CNOT11: variants seen among roughly 807,000 people sequenced by gnomAD.
CNOT11 encodes the protein UPF0760 protein C2orf29.
In CNOT11, 18 loss-of-function variants were observed where a neutral mutation model predicts 44.6. That is an observed-to-expected ratio of 0.40 (90% CI 0.28 to 0.60). The LOEUF (loss-of-function observed/expected upper bound fraction) is 0.60. CNOT11 is among the 20% of genes least tolerant of loss of function. CNOT11 has a pLI of 0.38. For synonymous variants in CNOT11, 291 were observed against 270.9 expected (o/e 1.07, Z -0.73); for missense variants, 513 against 677.0 (o/e 0.76, Z 2.69).
intron 1 of CNOT11, among the ~76,000 whole-genome samples, chr2:101,256,836 C>T (rs1297622464): frequency 1.3e-5 from 2 of 151,664 alleles, no homozygotes; most frequent in Non-Finnish European, 1.5e-5. Flanking sequence ...ATCTCGAGGT[C>T]AGGAGATCAA....
chr2:101,258,813 CA>C (rs34756086), intron 2 of CNOT11, among the ~76,000 whole-genome samples: 45,005 of 99,602 alleles, frequency 0.45, 7,088 homozygotes, highest in South Asian at 0.53. Flanking sequence ...GAGTCTGTCT[CA>C]AAAAAAAAAA....
chr2:101,267,759 T>TGTGCAGGGTGGCCAGAG (rs1682020647), intron 5 of CNOT11, among the ~76,000 whole-genome samples: 1 of 152,222 alleles, frequency 6.6e-6, no homozygotes, highest in East Asian at 1.9e-4. Context: ...AAGTTGTTTA[T>TGTGCAGGGTGGCCAGAG]GTGCAGGGTG....
chr2:101,256,024 A>G (rs1681729352), intron 1 of CNOT11, among the ~76,000 whole-genome samples: 1 of 152,058 alleles, frequency 6.6e-6, no homozygotes, highest in Non-Finnish European at 1.5e-5. Context: ...CTGTAATCCC[A>G]GCTACTCAGG....
chr2:101,269,266 CA>C lies in CNOT11; in HGVS notation c.1390del (p.Ile464LeufsTer9). The C allele has an allele frequency of 6.2e-7, 1 of 1,613,586 alleles. No individual in the cohort carries two copies. The highest frequency in any genetic ancestry group is 8.5e-7 in the Non-Finnish European group (1 of 1,179,930). On this transcript the variant is annotated frameshift_variant, in exon 7 of 7. Coordinates refer to ENST00000289382, the MANE Select transcript of CNOT11 (RefSeq NM_017546.5). LOFTEE classifies it high-confidence loss of function. This position sits in a 1 kb window ranked among gnomAD's most constrained non-coding sequence, Gnocchi z 4.8. Reference protein sequence around the residue: ...CVFLQSLIRNKIINVQDLFIE... With the variant: ...CVFLQSLIRNXIINVQDLFIE... ...TGTTTCTCCAATCCTTGATCCGTAA[CA>C]AAATTATTAATGTACAGGATTTGTT... is the stretch of plus-strand genomic sequence containing the variant.
chr2:101,260,984 A>G (rs1232279290), intron 2 of CNOT11, among the ~76,000 whole-genome samples: 2 of 152,194 alleles, frequency 1.3e-5, no homozygotes, highest in East Asian at 3.8e-4. Flanking sequence ...GCATCTTTTC[A>G]TATGTCTCTG....
Position 101,265,009 on chromosome 2 carries a change from G to A in CNOT11, c.997G>A (p.Ala333Thr). The stretch of plus-strand genomic sequence containing the variant: ...GGAGATCAAACGAATAATGGCCAAA[G>A]CCTTCAAAAGCCCCTTATCCTCTCC... ...GVEIKRIMAK[A>T]FKSPLSSPQQ... The change falls in exon 4 of 7, where the codon GCC becomes ACC. Residue 333 changes from alanine (A) to threonine (T), a missense_variant. This residue lies in a region of CNOT11 where 140 missense variants were observed against 169.8 expected (regional missense o/e 0.82). Transcript: ENST00000289382. 1 of 1,614,030 alleles carries A rather than the reference G, an allele frequency of 6.2e-7. No individual in the cohort carries two copies. The highest frequency in any genetic ancestry group is 8.5e-7 in the Non-Finnish European group (1 of 1,179,926).
At chr2:101,256,831 G>A (rs1187745435) in intron 1 of CNOT11, among the ~76,000 whole-genome samples, 9 of 151,384 alleles carry the variant, frequency 5.9e-5, no homozygotes, top group African/African-American at 2.2e-4. Context: ...GGTGGATCTC[G>A]AGGTCAGGAG....
At position 101,263,261 on chromosome 2, in the gene CNOT11, T is replaced by C. The variant is rs558630590; in HGVS notation, c.832+570T>C. 3.3e-5 allele frequency among the ~76,000 whole-genome samples: 5 copies of C among 152,324 alleles called. No homozygotes were observed. In the South Asian group the frequency reaches 1.0e-3, roughly 32 times the overall value. On this transcript the variant is annotated intron_variant, in intron 3 of 6. Transcript: ENST00000289382. Reference sequence around the variant, plus strand: ...TTCTCATTTTACTGAAATGAGTCTTTTTGTAGCAGCTCATTATCTTTTTGT... The same window carrying C: ...TTCTCATTTTACTGAAATGAGTCTTCTTGTAGCAGCTCATTATCTTTTTGT...
intron 2 of CNOT11, 34 bp downstream of exon 2, chr2:101,257,989 G>A: frequency 6.3e-7 from 1 of 1,587,490 alleles, no homozygotes; most frequent in Non-Finnish European, 8.6e-7. Context: ...GCATTTCTGT[G>A]TGGTAATATT....
intron 5 of CNOT11, among the ~76,000 whole-genome samples, chr2:101,267,892 GAGT>G (rs1414483890): frequency 1.3e-5 from 2 of 152,102 alleles, no homozygotes; most frequent in Non-Finnish European, 2.9e-5. Flanking sequence ...AATCCATTCT[GAGT>G]GCCAAGCAAC....
intron 2 of CNOT11, 48 bp downstream of exon 2, chr2:101,258,003 C>G: frequency 6.4e-7 from 1 of 1,551,146 alleles, no homozygotes; most frequent in South Asian, 1.2e-5. Context: ...TAATATTAGG[C>G]CTCTCTTGTT....
chr2:101,254,665 G>T (rs12472401), intron 1 of CNOT11, among the ~76,000 whole-genome samples: 2,462 of 152,218 alleles, frequency 0.016, 167 homozygotes, highest in Admixed American at 0.13. Context: ...GGAGGTTGGG[G>T]GGTGGGAATT....
At chr2:101,257,093 A>C (rs907029389) in intron 1 of CNOT11, among the ~76,000 whole-genome samples, 1 of 151,266 alleles carries the variant, frequency 6.6e-6, no homozygotes, top group African/African-American at 2.4e-5. Context: ...GTGAGAGTTA[A>C]AGAGGAAAGA....
intron 2 of CNOT11, among the ~76,000 whole-genome samples, chr2:101,258,262 G>T (rs1681776224): frequency 6.6e-6 from 1 of 151,998 alleles, no homozygotes; most frequent in Non-Finnish European, 1.5e-5. Context: ...AGACATGGTG[G>T]TGCAGCACGC....
At chr2:101,258,373 G>A (rs1221339087) in intron 2 of CNOT11, among the ~76,000 whole-genome samples, 1 of 150,978 alleles carries the variant, frequency 6.6e-6, no homozygotes, top group African/African-American at 2.4e-5. Context: ...ACTCCAGCCT[G>A]GGCTACAGTG....
In CNOT11 at chr2:101,253,434, C is replaced by G; in HGVS notation, c.470C>G (p.Pro157Arg). The part of the protein sequence containing the change: ...ASFAHLLNPA[P>R]PARGGQEPDR... ...TTCGCGCACCTGCTCAACCCCGCGCCGCCCGCCCGCGGCGGCCAGGAACCC... is the reference window on the plus strand; with the variant it reads ...TTCGCGCACCTGCTCAACCCCGCGCGGCCCGCCCGCGGCGGCCAGGAACCC... The change falls in exon 1 of 7, where the codon CCG becomes CGG. Residue 157 changes from proline to arginine, a missense_variant. This residue lies in a region of CNOT11 where 259 missense variants were observed against 265.7 expected (regional missense o/e 0.97). Coordinates refer to ENST00000289382, the MANE Select transcript of CNOT11 (RefSeq NM_017546.5). The surrounding 1 kb of genome is among the most constrained non-coding windows in gnomAD (Gnocchi z 4.3). 1 of 1,533,946 alleles carries G rather than the reference C, an allele frequency of 6.5e-7. No homozygotes were observed. Among genetic ancestry groups the G allele is most frequent in the East Asian group, 2.4e-5 (1 of 41,776 alleles).
intron 4 of CNOT11, 128 bp downstream of exon 4, chr2:101,265,175 A>G: frequency 1.8e-6 from 1 of 541,486 alleles, no homozygotes; most frequent in East Asian, 3.3e-5. Context: ...ATCTCGGCTC[A>G]CTGCAGCCTC....
In CNOT11 at chr2:101,269,276, A is replaced by G; in HGVS notation, c.1396A>G (p.Asn466Asp). The change falls in exon 7 of 7, where the codon AAT becomes GAT. Residue 466 changes from asparagine to aspartate, a missense_variant. By Grantham distance (23) the Asn-to-Asp change is conservative (BLOSUM62 1). This residue lies in a region of CNOT11 where 87 missense variants were observed against 185.4 expected (regional missense o/e 0.47). Coordinates refer to ENST00000289382, the MANE Select transcript of CNOT11 (RefSeq NM_017546.5). The surrounding 1 kb of genome is among the most constrained non-coding windows in gnomAD (Gnocchi z 4.8). ...LQSLIRNKII[N>D]VQDLFIEVQA... is the part of the protein sequence containing the mutation. ...ATCCTTGATCCGTAACAAAATTATT[A>G]ATGTACAGGATTTGTTTATAGAAGT... The G allele has an allele frequency of 6.2e-7, 1 of 1,613,858 alleles. No homozygotes were observed. The highest frequency in any genetic ancestry group is 1.7e-5 in the Admixed American group (1 of 59,994).
Position 101,259,069 on chromosome 2 carries a change from G to GGCTGCAGTGAGCTGTGATTGCGCC in CNOT11, c.679+1115_679+1138dup, listed in dbSNP as rs1342457209. Among the ~76,000 whole-genome samples, 24 of 151,854 alleles carry GGCTGCAGTGAGCTGTGATTGCGCC rather than the reference G, an allele frequency of 1.6e-4. No homozygotes were observed. The East Asian group carries it at 4.1e-3, about 26-fold the overall frequency. On this transcript the variant is annotated intron_variant, in intron 2 of 6. Transcript: ENST00000289382. ...GAATCACTTGAGCCTGGGAGATCGA[G>GGCTGCAGTGAGCTGTGATTGCGCC]GCTGCAGTGAGCTGTGATTGCGCCA... is the stretch of plus-strand genomic sequence containing the variant.
Sources: allele counts gnomAD v4.1 joint callset (sites outside exome capture counted in the v4.1 genomes callset), GRCh38; gene constraint gnomAD v4.1.1; regional missense constraint gnomAD v4.1.1; non-coding constraint Gnocchi (gnomAD v3.1); transcripts MANE v1.5; gene names NCBI Gene and HGNC (gene_info 2026-07-23, HGNC 2026-07-21).